Variants in TNC observed in about 807,000 individuals in gnomAD.
TNC encodes the protein tenascin C.
In TNC, 109 loss-of-function variants were observed where a neutral mutation model predicts 202.4. That is an observed-to-expected ratio of 0.54 (90% confidence interval 0.46 to 0.63). TNC has a LOEUF of 0.63. Among genes scored for constraint, TNC ranks in the 30% least tolerant of loss-of-function variants. The pLI is 0.00. For missense variants in TNC, 2,756 were observed against 2,833.3 expected (o/e 0.97, Z 0.62); for synonymous variants, 1,007 against 1,089.7 (o/e 0.92, Z 1.50).
chr9:115,033,210 A>G (rs1201139607), intron 22 of TNC, among the ~76,000 whole-genome samples: 1 of 152,166 alleles, frequency 6.6e-6, no homozygotes. Context: ...CTTTTCTCCT[A>G]TACCAGGTTG....
chr9:115,045,541 ATTTTTTTTTTTT>A (rs61415443), intron 17 of TNC, among the ~76,000 whole-genome samples: 1 of 110,116 alleles, frequency 9.1e-6, no homozygotes, highest in South Asian at 3.1e-4. Flanking sequence ...TAAGTTTTTG[ATTTTTTTTTTTT>A]TTTTTTTTTG....
intron 15 of TNC, among the ~76,000 whole-genome samples, chr9:115,053,205 G>A (rs973838151): frequency 6.6e-6 from 1 of 152,160 alleles, no homozygotes; most frequent in Admixed American, 6.5e-5. Flanking sequence ...TTCTCTGCAG[G>A]TGTATATTTG....
At chr9:115,087,366 G>T in intron 2 of TNC, 93 bp from the exon 3 acceptor site, 1 of 1,295,964 alleles carries the variant, frequency 7.7e-7, no homozygotes, top group Non-Finnish European at 1.1e-6. Context: ...TTCAGCTGAA[G>T]GACGGTTGCA....
chr9:115,022,290 G>A (rs1349849478), intron 27 of TNC, among the ~76,000 whole-genome samples: 13 of 152,260 alleles, frequency 8.5e-5, no homozygotes, highest in African/African-American at 3.1e-4. Context: ...TAATTACTCA[G>A]TTACAGTGAG....
intron 10 of TNC, among the ~76,000 whole-genome samples, chr9:115,066,175 T>C (rs1166269624): frequency 1.3e-5 from 2 of 152,144 alleles, no homozygotes; most frequent in Non-Finnish European, 2.9e-5. Context: ...TAAAACTGAA[T>C]GCACCCTGTT....
At chr9:115,111,575 A>AT (rs950292415) in intron 1 of TNC, among the ~76,000 whole-genome samples, 2 of 151,178 alleles carry the variant, frequency 1.3e-5, no homozygotes, top group Admixed American at 6.6e-5. Flanking sequence ...TGCCAGGCTA[A>AT]TTTTTTTGTA....
intron 13 of TNC, 25 bp downstream of exon 13, chr9:115,062,892 C>G: frequency 2.5e-6 from 4 of 1,599,150 alleles, no homozygotes; most frequent in Non-Finnish European, 3.4e-6. Context: ...TATCATGTCT[C>G]CAGTCTGGGA....
Position 115,076,580 on chromosome 9 carries a change from T to C in TNC, c.2675-5A>G. On this transcript the variant is annotated splice_polypyrimidine_tract_variant and splice_region_variant and intron_variant, in intron 7 of 27. Coordinates refer to ENST00000350763, the MANE Select transcript of TNC (RefSeq NM_002160.4). ...GATTCCTGGGAGCATCGAGGCCTGT[T>C]TGAGAGAAGGAACATTTGTATTGAA... The C allele has an allele frequency of 6.2e-7, 1 of 1,613,928 alleles. No individual in the cohort carries two copies. The highest frequency in any genetic ancestry group is 8.5e-7 in the Non-Finnish European group (1 of 1,179,920).
intron 13 of TNC, among the ~76,000 whole-genome samples, chr9:115,060,822 A>G (rs1340494718): frequency 6.6e-6 from 1 of 151,922 alleles, no homozygotes; most frequent in Non-Finnish European, 1.5e-5. Flanking sequence ...TTCTTCTTCC[A>G]CCTTTTTCTG....
At position 115,030,344 on chromosome 9, in the gene TNC, G is replaced by T. The variant is rs369680670; in HGVS notation, c.5982C>A (p.Thr1994=). The T allele has an allele frequency of 1.3e-4, 210 of 1,614,008 alleles. No individual in the cohort carries two copies. Among genetic ancestry groups the T allele is most frequent in the Non-Finnish European group, 1.6e-4 (189 of 1,179,976 alleles). Residue 1994 remains threonine, a synonymous_variant, in exon 24 of 28, where the codon ACC becomes ACA. Transcript: ENST00000350763. ...TCAGATAAATGGTGTAGAGGCCAGAGGTCGTGTCTCCATTCAGCATTGCTT... is the reference window on the plus strand; with the variant it reads ...TCAGATAAATGGTGTAGAGGCCAGATGTCGTGTCTCCATTCAGCATTGCTT... ...CSQAMLNGDT[T]SGLYTIYLNG...
rs765892334 is a variant in TNC at position 115,085,988 on chromosome 9, G to A, written c.1743C>T (p.His581=). The A allele has an allele frequency of 8.6e-5, 139 of 1,613,734 alleles. No individual in the cohort carries two copies. Among genetic ancestry groups the A allele is most frequent in the Non-Finnish European group, 1.1e-4 (128 of 1,179,894 alleles). The change falls in exon 3 of 28, where the codon CAC becomes CAT. Residue 581 remains histidine, a synonymous_variant. Transcript: ENST00000350763. Reference sequence around the variant, plus strand: ...CACAGTCCAGGCCTGTGAAGCCCTCGTGGCAGATGCACTGGCCGTCCACGC... The same window carrying A: ...CACAGTCCAGGCCTGTGAAGCCCTCATGGCAGATGCACTGGCCGTCCACGC... ...GRCVDGQCIC[H]EGFTGLDCGQ... is the part of the protein sequence containing the mutation.
intron 17 of TNC, among the ~76,000 whole-genome samples, chr9:115,045,369 A>G (rs1274826835): frequency 6.6e-6 from 1 of 151,898 alleles, no homozygotes; most frequent in Non-Finnish European, 1.5e-5. Context: ...TACTACTGTT[A>G]TTATTATCAT....
chr9:115,036,115 G>A lies in TNC; in HGVS notation c.5639C>T (p.Thr1880Ile). The A allele has an allele frequency of 6.2e-7, 1 of 1,614,226 alleles. No homozygotes were observed. Among genetic ancestry groups the A allele is most frequent in the Non-Finnish European group, 8.5e-7 (1 of 1,180,014 alleles). The change falls in exon 21 of 28, where the codon ACT (threonine) becomes ATT (isoleucine). Residue 1880 changes from threonine to isoleucine, a missense_variant. By Grantham distance (89) the Thr-to-Ile change is moderately conservative (BLOSUM62 -1). Coordinates refer to ENST00000350763, the MANE Select transcript of TNC (RefSeq NM_002160.4). The part of the protein sequence containing the change: ...EKGPQKSSTI[T>I]AKFTTDLDSP... ...CTTTGTACCTGTTGTGAACTTGGCA[G>A]TGATGGTTGAGCTCTTCTGGGGCCC...
chr9:115,055,389 G>C (rs566672106), intron 15 of TNC: 2 of 152,558 alleles, frequency 1.3e-5, no homozygotes, highest in African/African-American at 4.8e-5. Context: ...GAGCAACTAG[G>C]AGGGTGAAAA....
At chr9:115,049,357 G>C (rs546284227) in intron 15 of TNC, among the ~76,000 whole-genome samples, 91 of 152,184 alleles carry the variant, frequency 6.0e-4, no homozygotes, top group African/African-American at 2.1e-3. Context: ...AACTGACAAG[G>C]CTTCACATTG....
intron 10 of TNC, among the ~76,000 whole-genome samples, chr9:115,070,696 G>T (rs12342409): frequency 0.11 from 16,186 of 152,186 alleles, 928 homozygotes; most frequent in Middle Eastern, 0.16. Flanking sequence ...ATTGAGTGGC[G>T]CCTGGCAGGC....
rs750081570 is a variant in TNC at position 115,048,482 on chromosome 9, C to T, written c.4630G>A (p.Gly1544Arg). 2.1e-5 allele frequency: 34 copies of T among 1,613,740 alleles called. No individual in the cohort carries two copies. The highest frequency in any genetic ancestry group is 2.5e-5 in the Non-Finnish European group (30 of 1,179,930). ...NLTISDINPY[G>R]FTVSWMASEN... The stretch of plus-strand genomic sequence containing the variant: ...GATGCCATCCAGGAAACTGTGAACC[C>T]GTAGGGATTAATGTCGGAAATGGTT... The change falls in exon 16 of 28, where the codon GGG (glycine) becomes AGG (arginine). Residue 1544 changes from glycine to arginine, a missense_variant. This residue lies in a region of TNC where 2,559 missense variants were observed against 2,546.0 expected (regional missense o/e 1.01). Coordinates refer to ENST00000350763, the MANE Select transcript of TNC (RefSeq NM_002160.4).
chr9:115,072,817 A>T (rs62578427), intron 10 of TNC, among the ~76,000 whole-genome samples: 13,896 of 152,286 alleles, frequency 0.091, 736 homozygotes, highest in Middle Eastern at 0.2. Context: ...CTGGAAAAGT[A>T]ACATTTTCCA....
chr9:115,084,135 C>T (rs772814598), intron 4 of TNC, 74 bp downstream of exon 4: 118 of 1,493,760 alleles, frequency 7.9e-5, no homozygotes, highest in African/African-American at 2.1e-4. Context: ...TTGTAGGGGC[C>T]GTGGCGAGGG....
Sources: allele counts gnomAD v4.1 joint callset (sites outside exome capture counted in the v4.1 genomes callset), GRCh38; gene constraint gnomAD v4.1.1; regional missense constraint gnomAD v4.1.1; transcripts MANE v1.5; gene names NCBI Gene and HGNC (gene_info 2026-07-23, HGNC 2026-07-21).